SLC45A4: variants seen among roughly 807,000 people sequenced by gnomAD.
SLC45A4 encodes polyamine-transporter SLC45A4.
A neutral mutation model predicts 63.7 loss-of-function variants in SLC45A4; 32 were observed. That is an observed-to-expected ratio of 0.50 (90% CI 0.38 to 0.67). The LOEUF (loss-of-function observed/expected upper bound fraction) is 0.67, where lower values mean the gene tolerates loss of function less well. Among genes scored for constraint, SLC45A4 ranks in the 30% least tolerant of loss-of-function variants. SLC45A4 has a pLI of 0.00. For synonymous variants in SLC45A4, 535 were observed against 510.0 expected (o/e 1.05, Z -0.66); for missense variants, 1,027 against 1,157.7 (o/e 0.89, Z 1.64).
intron 1 of SLC45A4, among the ~76,000 whole-genome samples, chr8:141,255,400 C>T (rs1420178800): frequency 6.6e-6 from 1 of 152,154 alleles, no homozygotes; most frequent in East Asian, 1.9e-4. Context: ...ACTGTAGACC[C>T]TGCCTGGAGA....
At chr8:141,287,584 G>A (rs1412556918) in intron 1 of SLC45A4, among the ~76,000 whole-genome samples, 3 of 152,200 alleles carry the variant, frequency 2.0e-5, no homozygotes, top group Admixed American at 6.5e-5. Context: ...TGTCTTTTCT[G>A]TGAACACTAG....
At chr8:141,296,500 T>TG (rs1830555679) in intron 1 of SLC45A4, among the ~76,000 whole-genome samples, 1 of 107,960 alleles carries the variant, frequency 9.3e-6, no homozygotes, top group African/African-American at 3.7e-5. Flanking sequence ...CCTCATTTCT[T>TG]AAAAAAAAAA....
Position 141,210,947 on chromosome 8 carries a change from C to G in SLC45A4, c.*625G>C, listed in dbSNP as rs1344016536. On this transcript the variant is annotated 3_prime_UTR_variant, in exon 9 of 9. Coordinates refer to ENST00000517878, the MANE Select transcript of SLC45A4 (RefSeq NM_001286646.2). Reference sequence around the variant, plus strand: ...TTTTGCTTATTCGTTGAAACCAGAACGACTGTGCGGAGCCCTCCGGTGACA... The same window carrying G: ...TTTTGCTTATTCGTTGAAACCAGAAGGACTGTGCGGAGCCCTCCGGTGACA... The G allele has an allele frequency of 6.5e-6, 1 of 153,312 alleles. No individual in the cohort carries two copies. The highest frequency in any genetic ancestry group is 1.5e-5 in the Non-Finnish European group (1 of 68,634). The allele number at this position is 153,312 out of a possible 1,614,324, so 9.5% of individuals were successfully genotyped here. A position where few individuals can be genotyped will look rare whatever the true frequency, so the allele number is the denominator to read the frequency against.
At chr8:141,282,030 C>T (rs535241369) in intron 1 of SLC45A4, among the ~76,000 whole-genome samples, 1 of 152,222 alleles carries the variant, frequency 6.6e-6, no homozygotes, top group Admixed American at 6.5e-5. Flanking sequence ...AGCCATGGGG[C>T]TCCCAGGATT....
At chr8:141,217,299 A>G in intron 5 of SLC45A4, 110 bp from the exon 6 acceptor site, 1 of 1,160,350 alleles carries the variant, frequency 8.6e-7, no homozygotes, top group Non-Finnish European at 1.2e-6. Flanking sequence ...AAGAGCGGTG[A>G]CAGGAAAGTC....
chr8:141,259,767 G>A (rs533419392), intron 1 of SLC45A4, among the ~76,000 whole-genome samples: 13 of 152,276 alleles, frequency 8.5e-5, no homozygotes, highest in South Asian at 4.1e-4. Context: ...TCCCAGCATC[G>A]GTCCACAATG....
At chr8:141,231,884 C>T (rs780267892) in intron 2 of SLC45A4, among the ~76,000 whole-genome samples, 2 of 152,322 alleles carry the variant, frequency 1.3e-5, no homozygotes, top group African/African-American at 2.4e-5. Context: ...GCAAATGGCC[C>T]GAGATCAGGA....
At position 141,208,497 on chromosome 8, in the gene SLC45A4, TCAGTGGCCCTGCCTC is replaced by T. The variant is rs1325369363; in HGVS notation, c.*3060_*3074del. ...AAGCCACTAACCATCTGAGGAGGGC[TCAGTGGCCCTGCCTC>T]CCCCCCGGGGACAGGACTGGACAGA... On this transcript the variant is annotated 3_prime_UTR_variant, in exon 9 of 9. Transcript: ENST00000517878. The T allele has an allele frequency of 1.3e-5, 2 of 152,148 alleles. No individual in the cohort carries two copies. The highest frequency in any genetic ancestry group is 6.5e-5 in the Admixed American group (1 of 15,288). 9.4% of individuals were successfully genotyped at this position (152,148 alleles called of 1,614,324 possible).
At chr8:141,233,983 A>T (rs754029149) in intron 2 of SLC45A4, among the ~76,000 whole-genome samples, 1 of 152,152 alleles carries the variant, frequency 6.6e-6, no homozygotes, top group Non-Finnish European at 1.5e-5. Context: ...AGCTCTGTTG[A>T]GTGTCCGTTT....
chr8:141,289,155 T>C (rs1011012665), intron 1 of SLC45A4, among the ~76,000 whole-genome samples: 6 of 152,004 alleles, frequency 3.9e-5, no homozygotes, highest in African/African-American at 1.4e-4. Flanking sequence ...CAGGGAACAG[T>C]GGGCACAGAG....
At chr8:141,250,029 T>C (rs1828393272) in intron 2 of SLC45A4, among the ~76,000 whole-genome samples, 1 of 152,214 alleles carries the variant, frequency 6.6e-6, no homozygotes, top group African/African-American at 2.4e-5. Context: ...GAGGGTCAGT[T>C]TGCCACAGCC....
At chr8:141,249,428 G>C (rs566889327) in intron 2 of SLC45A4, among the ~76,000 whole-genome samples, 2 of 152,338 alleles carry the variant, frequency 1.3e-5, no homozygotes, top group South Asian at 4.1e-4. Flanking sequence ...TGCAGTAACG[G>C]GGATGAATCA....
chr8:141,285,965 G>A (rs141648213), intron 1 of SLC45A4, among the ~76,000 whole-genome samples: 3,546 of 152,326 alleles, frequency 0.023, 62 homozygotes, highest in Middle Eastern at 0.065. Flanking sequence ...AACCAGCAGC[G>A]TGAAGGGGCC....
chr8:141,235,132 C>A (rs1476926447), intron 2 of SLC45A4, among the ~76,000 whole-genome samples: 8 of 152,296 alleles, frequency 5.3e-5, no homozygotes, highest in African/African-American at 1.9e-4. Flanking sequence ...CTTGTTAAGG[C>A]TTGTCCAAGG....
At chr8:141,216,956 GC>G (rs1826191526) in intron 6 of SLC45A4, 133 bp downstream of exon 6, 2 of 803,938 alleles carry the variant, frequency 2.5e-6, no homozygotes, top group African/African-American at 3.5e-5. Context: ...CCAAGGGGTG[GC>G]CCTGTTTTGA....
intron 2 of SLC45A4, among the ~76,000 whole-genome samples, chr8:141,240,177 C>T (rs1011639181): frequency 9.2e-5 from 14 of 152,340 alleles, no homozygotes; most frequent in African/African-American, 3.1e-4. Context: ...ATAAACCTGA[C>T]TTCCCCCACA....
At chr8:141,286,826 T>C (rs978071452) in intron 1 of SLC45A4, among the ~76,000 whole-genome samples, 10 of 145,104 alleles carry the variant, frequency 6.9e-5, no homozygotes, top group Non-Finnish European at 1.2e-4. Context: ...TTGGGAAAAA[T>C]AGAAGCAGCT....
intron 1 of SLC45A4, among the ~76,000 whole-genome samples, chr8:141,259,328 C>A (rs936855877): frequency 3.9e-5 from 6 of 152,246 alleles, no homozygotes; most frequent in Non-Finnish European, 8.8e-5. Context: ...AGTGATGGCG[C>A]TGCACGTTCA....
chr8:141,275,386 C>A (rs1036320086), intron 1 of SLC45A4, among the ~76,000 whole-genome samples: 2 of 152,136 alleles, frequency 1.3e-5, no homozygotes, highest in African/African-American at 4.8e-5. Flanking sequence ...CCTTAAAATG[C>A]GTACAACTTT....
Sources: allele counts gnomAD v4.1 joint callset (sites outside exome capture counted in the v4.1 genomes callset), GRCh38; gene constraint gnomAD v4.1.1; transcripts MANE v1.5; gene names NCBI Gene and HGNC (gene_info 2026-07-23, HGNC 2026-07-21).